The following FHOD3 variants were observed in gnomAD, a reference collection of about 807,000 sequenced individuals.
FHOD3 encodes the protein FH1/FH2 domain-containing protein 3.
Under a neutral mutation model 173.0 loss-of-function variants are expected in FHOD3, and 90 were observed. The observed-to-expected ratio is 0.52, with a 90% CI of 0.44 to 0.62. FHOD3 has a LOEUF of 0.62. Among genes scored for constraint, FHOD3 ranks in the 20% least tolerant of loss-of-function variants. The pLI, the probability that FHOD3 is intolerant of heterozygous loss-of-function variation, is 0.00. For missense variants in FHOD3, 1,945 were observed against 2,034.7 expected, an observed-to-expected ratio of 0.96 and a Z score of 0.85; for synonymous variants, 828 against 823.0, an observed-to-expected ratio of 1.01 and a Z score of -0.10.
intron 17 of FHOD3, among the ~76,000 whole-genome samples, chr18:36,707,840 G>T (rs983827424): frequency 2.0e-5 from 3 of 152,178 alleles, no homozygotes; most frequent in African/African-American, 7.2e-5. Context: ...GACCCTGCCA[G>T]AATTTCTGTG....
At chr18:36,692,197 G>A (rs72897591) in intron 16 of FHOD3, among the ~76,000 whole-genome samples, 1 of 152,312 alleles carries the variant, frequency 6.6e-6, no homozygotes, top group Non-Finnish European at 1.5e-5. Context: ...TAAATGCATT[G>A]TTTTAAAATA....
chr18:36,419,580 ATTTTTAGGTTTACTGTAAGAG>A, intron 3 of FHOD3, among the ~76,000 whole-genome samples: 1 of 152,190 alleles, frequency 6.6e-6, no homozygotes, highest in Admixed American at 6.5e-5. Context: ...GTTACTTGTA[ATTTTTAGGTTTACTGTAAGAG>A]CAAATGCAGA....
intron 1 of FHOD3, among the ~76,000 whole-genome samples, chr18:36,337,376 G>T (rs1444532054): frequency 6.6e-6 from 1 of 152,110 alleles, no homozygotes; most frequent in Non-Finnish European, 1.5e-5. Context: ...GGTATATAAC[G>T]TGAATAATCC....
Position 36,612,119 on chromosome 18 carries a change from G to A in FHOD3, c.957+24G>A, listed in dbSNP as rs201937289. On this transcript the variant is annotated intron_variant, in intron 9 of 28. Transcript: ENST00000590592. ...AGGTACCAGACCATGCCTTTTGTAA[G>A]GTATCGTACAGCTTTGGCAATTGTC... The A allele has an allele frequency of 7.3e-4, 1,178 of 1,608,162 alleles. 11 individuals carry two copies. The South Asian group carries it at 9.3e-3, about 13-fold the overall frequency.
chr18:36,533,019 A>C (rs182613202), intron 5 of FHOD3, among the ~76,000 whole-genome samples: 51 of 152,266 alleles, frequency 3.3e-4, no homozygotes, highest in Admixed American at 7.8e-4. Context: ...GGGCTTTGTA[A>C]GGATCCAGGT....
intron 3 of FHOD3, among the ~76,000 whole-genome samples, chr18:36,383,273 G>A (rs2047880409): frequency 6.6e-6 from 1 of 152,194 alleles, no homozygotes; most frequent in African/African-American, 2.4e-5. Context: ...AGCAGAGTTG[G>A]TGCTGTCCTG....
intron 3 of FHOD3, among the ~76,000 whole-genome samples, chr18:36,500,496 T>C (rs2054975867): frequency 6.6e-6 from 1 of 152,222 alleles, no homozygotes; most frequent in Non-Finnish European, 1.5e-5. Flanking sequence ...CCCGAGGTGG[T>C]TGGCCAATGA....
At position 36,363,831 on chromosome 18, in the gene FHOD3, C is replaced by G. The variant is rs568448701; in HGVS notation, c.272+8186C>G. On this transcript the variant is annotated intron_variant, in intron 2 of 28. Coordinates refer to ENST00000590592, the MANE Select transcript of FHOD3 (RefSeq NM_001281740.3). Reference sequence around the variant, plus strand: ...TAATAATGTGTCAATATCAGTTAATCTGTTGTAACAGATTAACATCTTGCA... The same window carrying G: ...TAATAATGTGTCAATATCAGTTAATGTGTTGTAACAGATTAACATCTTGCA... Among the ~76,000 whole-genome samples, 3 of 123,722 alleles carry G rather than the reference C, an allele frequency of 2.4e-5. No individual in the cohort carries two copies. In the East Asian group the frequency reaches 8.1e-4, roughly 34 times the overall value. The allele number at this position is 123,722 out of a possible 152,430, so 81.2% of individuals were successfully genotyped here.
At chr18:36,550,243 C>CATATATATATATATATATATATATAT (rs371573246) in intron 5 of FHOD3, among the ~76,000 whole-genome samples, 9 of 120,708 alleles carry the variant, frequency 7.5e-5, no homozygotes, top group African/African-American at 2.9e-4. Context: ...AGTGGTAGAC[C>CATATATATATATATATATATATATAT]ATATATATAT....
chr18:36,334,970 G>A (rs1442425801), intron 1 of FHOD3, among the ~76,000 whole-genome samples: 1 of 152,188 alleles, frequency 6.6e-6, no homozygotes, highest in East Asian at 1.9e-4. Context: ...CACCCTGGCT[G>A]TGTGCCCCTT....
intron 1 of FHOD3, among the ~76,000 whole-genome samples, chr18:36,306,338 G>A (rs374947130): frequency 6.6e-6 from 1 of 152,200 alleles, no homozygotes. Flanking sequence ...GTCTGTCTAA[G>A]GGTTTGTGTG....
In FHOD3 at chr18:36,652,591, G is replaced by T. The variant is rs750520270; in HGVS notation, c.1308G>T (p.Gly436=). The change falls in exon 12 of 29, where the codon GGG becomes GGT. Residue 436 remains glycine (G), a synonymous_variant. Transcript: ENST00000590592. The stretch of plus-strand genomic sequence containing the variant: ...ACAGCAAGGTCGGCGCTGCCTCAGG[G>T]CAGAGCCCCACTGGAAGGGATGCTG... ...GKDSKVGAAS[G]QSPTGRDAAP... is the part of the protein sequence containing the mutation. The T allele has an allele frequency of 2.0e-6, 3 of 1,534,028 alleles. No homozygotes were observed. Among genetic ancestry groups the T allele is most frequent in the East Asian group, 4.9e-5 (2 of 40,892 alleles).
chr18:36,497,959 A>C (rs993123530), intron 3 of FHOD3, among the ~76,000 whole-genome samples: 7 of 152,224 alleles, frequency 4.6e-5, no homozygotes, highest in African/African-American at 1.7e-4. Flanking sequence ...CCGGGCCATA[A>C]AATAAGCCTT....
intron 1 of FHOD3, among the ~76,000 whole-genome samples, chr18:36,345,816 T>C (rs1398026990): frequency 1.3e-5 from 2 of 152,210 alleles, no homozygotes; most frequent in African/African-American, 2.4e-5. Context: ...ATATAATCAA[T>C]AGTTCTTTAA....
chr18:36,631,150 C>T (rs1486955753), intron 10 of FHOD3, among the ~76,000 whole-genome samples: 4 of 152,166 alleles, frequency 2.6e-5, no homozygotes, highest in African/African-American at 9.7e-5. Context: ...TGTTGTGGGG[C>T]AGGGTGCAGA....
At position 36,744,034 on chromosome 18, in the gene FHOD3, C is replaced by T; in HGVS notation, c.3882C>T (p.Ala1294=). Residue 1294 remains alanine (A), a splice_region_variant and synonymous_variant, in exon 23 of 29, where the codon GCC becomes GCT. Transcript: ENST00000590592. ...TTTTATTGATGTTTGCAAAACAGGC[C>T]AAAGCGTTTGAGTTAAGCTACCTCG... is the stretch of plus-strand genomic sequence containing the variant. ...AIGNFLNGTN[A]KAFELSYLEK... 5 of 1,614,094 alleles carry T rather than the reference C, an allele frequency of 3.1e-6. No homozygotes were observed. Among genetic ancestry groups the T allele is most frequent in the Non-Finnish European group, 4.2e-6 (5 of 1,180,032 alleles).
chr18:36,342,124 G>A (rs946634128), intron 1 of FHOD3, among the ~76,000 whole-genome samples: 11 of 152,150 alleles, frequency 7.2e-5, no homozygotes, highest in African/African-American at 2.7e-4. Flanking sequence ...AGACACAGAT[G>A]GAGGGAGAAT....
Position 36,371,987 on chromosome 18 carries a change from A to G in FHOD3, c.273-693A>G, listed in dbSNP as rs190912497. Reference sequence around the variant, plus strand: ...TGTTTTCTCCCCTTTATCTCCTTCTACCAACTGCTCCGTGCTTTGGTTCCT... The same window carrying G: ...TGTTTTCTCCCCTTTATCTCCTTCTGCCAACTGCTCCGTGCTTTGGTTCCT... On this transcript the variant is annotated intron_variant, in intron 2 of 28. Coordinates refer to ENST00000590592, the MANE Select transcript of FHOD3 (RefSeq NM_001281740.3). Among the ~76,000 whole-genome samples the G allele has an allele frequency of 6.5e-3, 993 of 152,078 alleles. 3 individuals carry two copies. The highest frequency in any genetic ancestry group is 0.01 in the Non-Finnish European group (713 of 67,980).
chr18:36,658,770 G>A (rs188417503), intron 14 of FHOD3, among the ~76,000 whole-genome samples: 1 of 152,330 alleles, frequency 6.6e-6, no homozygotes, highest in Non-Finnish European at 1.5e-5. Context: ...TTTTAGAACA[G>A]TTAGAAAGTT....
Sources: allele counts gnomAD v4.1 joint callset (sites outside exome capture counted in the v4.1 genomes callset), GRCh38; gene constraint gnomAD v4.1.1; transcripts MANE v1.5; gene names NCBI Gene and HGNC (gene_info 2026-07-23, HGNC 2026-07-21).